PPP2R5C: variants seen among roughly 807,000 people sequenced by gnomAD.
PPP2R5C encodes serine/threonine-protein phosphatase 2A 56 kDa regulatory subunit gamma isoform.
A neutral mutation model predicts 68.9 loss-of-function variants in PPP2R5C; 7 were observed. That is an observed-to-expected ratio of 0.10 (90% CI 0.06 to 0.19). The LOEUF (loss-of-function observed/expected upper bound fraction) is 0.19. PPP2R5C is among the 10% of genes least tolerant of loss of function. PPP2R5C has a pLI of 1.00. For synonymous variants in PPP2R5C, 210 were observed against 222.2 expected, an observed-to-expected ratio of 0.95 and a Z score of 0.49; for missense variants, 348 against 641.3, an observed-to-expected ratio of 0.54 and a Z score of 4.94.
exon 1 of PPP2R5C, chr14:101,809,915 G>A (rs752349148): frequency 1.9e-6 from 3 of 1,610,428 alleles, no homozygotes; most frequent in Non-Finnish European, 2.5e-6. Context: ...GCCTTAAGGA[G>A]CCCATTGCCT....
At chr14:101,921,844 T>G (rs2047020964) in intron 13 of PPP2R5C, 1 of 450,732 alleles carries the variant, frequency 2.2e-6, no homozygotes, top group Non-Finnish European at 2.9e-6. Flanking sequence ...CAACCATGTA[T>G]CTACCTATCC....
upstream of PPP2R5C, among the ~76,000 whole-genome samples, chr14:101,761,502 G>A (rs1186289252): frequency 1.1e-3 from 157 of 148,630 alleles, no homozygotes; most frequent in African/African-American, 3.7e-3. Flanking sequence ...AGAGGGTGGG[G>A]GGAGCGGGGA....
At chr14:101,761,499 G>A (rs1257391963), upstream of PPP2R5C, among the ~76,000 whole-genome samples, 1 of 150,198 alleles carries the variant, frequency 6.7e-6, no homozygotes, top group Admixed American at 6.6e-5. Context: ...CGGAGAGGGT[G>A]GGGGGAGCGG....
chr14:101,925,012 C>T (rs2047220379), intron 13 of PPP2R5C, 129 bp from the exon 16 acceptor site: 1 of 1,043,568 alleles, frequency 9.6e-7, no homozygotes, highest in Non-Finnish European at 1.4e-6. Flanking sequence ...TTCCCTGTGG[C>T]CAGGGTGCCG....
At chr14:101,849,973 G>A (rs2042055792) in intron 1 of PPP2R5C, among the ~76,000 whole-genome samples, 1 of 152,192 alleles carries the variant, frequency 6.6e-6, no homozygotes, top group African/African-American at 2.4e-5. Context: ...TTAACCCCTT[G>A]CATTTCCACA....
At chr14:101,786,312 GGT>G in intron 3 of PPP2R5C, 129 bp downstream of exon 3, 4 of 805,622 alleles carry the variant, frequency 5.0e-6, no homozygotes, top group African/African-American at 1.8e-5. Flanking sequence ...TGTATTGAGG[GGT>G]TTTTTTTTTT....
chr14:101,793,882 G>C (rs2140104452), intron 3 of PPP2R5C, among the ~76,000 whole-genome samples: 1 of 152,324 alleles, frequency 6.6e-6, no homozygotes, highest in African/African-American at 2.4e-5. Context: ...CTGAAGTCTG[G>C]CTGTCTCCAG....
chr14:101,837,570 AACAC>A (rs946036667), intron 1 of PPP2R5C, among the ~76,000 whole-genome samples: 2 of 152,242 alleles, frequency 1.3e-5, no homozygotes, highest in African/African-American at 4.8e-5. Context: ...AATAGAAATA[AACAC>A]ACAGGCGGAA....
intron 2 of PPP2R5C, among the ~76,000 whole-genome samples, chr14:101,858,808 T>C (rs372356650): frequency 6.6e-6 from 1 of 152,312 alleles, no homozygotes; most frequent in East Asian, 1.9e-4. Flanking sequence ...ATGACAAGAC[T>C]CCCGCTGGCC....
chr14:101,815,012 C>T (rs908877175), intron 1 of PPP2R5C, among the ~76,000 whole-genome samples: 4 of 152,220 alleles, frequency 2.6e-5, no homozygotes, highest in African/African-American at 9.6e-5. Context: ...CTGCTGGTGG[C>T]TGTCCCAGAG....
Position 101,797,422 on chromosome 14 carries a change from A to G in PPP2R5C, c.259+11239A>G, listed in dbSNP as rs1566846027. The G allele has an allele frequency of 2.5e-6, 1 of 403,944 alleles. No homozygotes were observed. The highest frequency in any genetic ancestry group is 2.0e-5 in the African/African-American group (1 of 49,164). 25.0% of individuals were successfully genotyped at this position (403,944 alleles called of 1,614,324 possible). On this transcript the variant is annotated intron_variant, in intron 3 of 14. Transcript: ENST00000328724. The surrounding 1 kb of genome is among the most constrained non-coding windows in gnomAD (Gnocchi z 4.2). ...TCATCCATTCGAGCATCTGCCAAGG[A>G]CCCAGGAAACACACAGTGTGTCTCC...
chr14:101,918,670 G>A lies in PPP2R5C; in HGVS notation c.1443+723G>A, dbSNP rs1158556344. Reference sequence around the variant, plus strand: ...CCCCTCGCCCCCCTCGCCCCCTCCCGGGCACTGTCTTTCAGTGCTTTGGTC... The same window carrying A: ...CCCCTCGCCCCCCTCGCCCCCTCCCAGGCACTGTCTTTCAGTGCTTTGGTC... On this transcript the variant is annotated intron_variant, in intron 13 of 13. Transcript: ENST00000334743. 5.5e-4 allele frequency among the ~76,000 whole-genome samples: 35 copies of A among 63,456 alleles called. 1 individual carries two copies. The highest frequency in any genetic ancestry group is 2.3e-3 in the African/African-American group (34 of 14,724). The allele number at this position is 63,456 out of a possible 152,430, so 41.6% of individuals were successfully genotyped here.
At chr14:101,856,879 C>A in exon 2 of PPP2R5C, 2 of 1,612,984 alleles carry the variant, frequency 1.2e-6, no homozygotes, top group African/African-American at 2.7e-5. Context: ...CAGAAGTAGT[C>A]CATATGGTAA....
chr14:101,831,846 C>T (rs986852004), intron 1 of PPP2R5C: 9 of 674,834 alleles, frequency 1.3e-5, no homozygotes, highest in African/African-American at 1.2e-4. Context: ...ACATGGACCA[C>T]TGTAGTCTGT....
chr14:101,842,494 G>T (rs1490030451), intron 1 of PPP2R5C, among the ~76,000 whole-genome samples: 1 of 152,178 alleles, frequency 6.6e-6, no homozygotes, highest in African/African-American at 2.4e-5. Context: ...CAACCGGGGT[G>T]CTCTGCGTGC....
intron 12 of PPP2R5C, chr14:101,914,399 G>T: frequency 3.8e-6 from 1 of 262,822 alleles, no homozygotes; most frequent in Non-Finnish European, 7.7e-6. Flanking sequence ...ATTCTCAGGA[G>T]AAAATATCTA....
chr14:101,894,536 A>G (rs1284954940), exon 8 of PPP2R5C: 2 of 1,613,996 alleles, frequency 1.2e-6, no homozygotes, highest in East Asian at 2.2e-5. Flanking sequence ...AGTTTTTAGA[A>G]AAGGACAGCA....
At chr14:101,909,847 C>A (rs970994373) in intron 11 of PPP2R5C, among the ~76,000 whole-genome samples, 157 bp downstream of exon 13, 2 of 152,152 alleles carry the variant, frequency 1.3e-5, no homozygotes, top group South Asian at 4.1e-4. Flanking sequence ...GTTATAATAA[C>A]GTATTTTGAA....
chr14:101,907,730 C>G (rs1244636484), intron 10 of PPP2R5C, among the ~76,000 whole-genome samples: 2 of 152,196 alleles, frequency 1.3e-5, no homozygotes, highest in African/African-American at 4.8e-5. Flanking sequence ...TCTCCTAACT[C>G]GCAGTGTCTA....
Sources: gnomAD v4.1 joint callset for allele counts (sites outside exome capture counted in the v4.1 genomes callset) on GRCh38, gnomAD v4.1.1 for gene constraint, Gnocchi (gnomAD v3.1) non-coding constraint, MANE v1.5 for transcripts, NCBI Gene and HGNC (gene_info 2026-07-23, HGNC 2026-07-21) for gene names.